Variants in SPRY3 observed in about 807,000 individuals in gnomAD.
SPRY3 encodes the protein protein sprouty homolog 3.
Under a neutral mutation model 20.2 loss-of-function variants are expected in SPRY3, and 15 were observed. The ratio of observed to expected loss-of-function variants is 0.74; its 90% CI spans 0.50 to 1.14. The LOEUF is 1.14. Ranked by LOEUF, SPRY3 falls within the 50% of genes most tolerant of loss-of-function variation. The pLI, the probability that SPRY3 is intolerant of heterozygous loss-of-function variation, is 0.00. For missense variants in SPRY3, 364 were observed against 363.9 expected, an observed-to-expected ratio of 1.00 and a Z score of 0.00; for synonymous variants, 143 against 136.5, an observed-to-expected ratio of 1.05 and a Z score of -0.33.
chrX:155,725,677 A>AT lies in SPRY3; in HGVS notation c.-281-42279dup, dbSNP rs2091092398. On this transcript the variant is annotated intron_variant, in intron 2 of 3. Coordinates refer to ENST00000675360, the Ensembl canonical transcript of SPRY3. ...GATGGGTGGTGATATCCCCTTTATC[A>AT]TTTTTTATTGCATCTATTTGATTCT... 2.6e-5 allele frequency among the ~76,000 whole-genome samples: 4 copies of AT among 152,150 alleles called. No homozygotes were observed. In the South Asian group the frequency reaches 8.3e-4, roughly 32 times the overall value.
rs780740285 is a variant in SPRY3, at chrX:155,717,316, T to C, written c.-281-50646T>C. 3.3e-5 allele frequency among the ~76,000 whole-genome samples: 5 copies of C among 152,140 alleles called. No homozygotes were observed. The East Asian group carries it at 7.8e-4, about 24-fold the overall frequency. On this transcript the variant is annotated intron_variant, in intron 2 of 3. Coordinates refer to ENST00000675360, the Ensembl canonical transcript of SPRY3. ...TATAAGAATATTCCCATTACATTTC[T>C]AGTTTACTTGCTACTCACCTCAACA...
At chrX:155,718,735 G>A (rs1169340954) in intron 2 of SPRY3, among the ~76,000 whole-genome samples, 2 of 152,070 alleles carry the variant, frequency 1.3e-5, no homozygotes, top group Non-Finnish European at 2.9e-5. Flanking sequence ...ACACTCTGAT[G>A]TATTAAATAT....
chrX:155,686,045 A>G (rs2068086791), intron 2 of SPRY3, among the ~76,000 whole-genome samples: 1 of 111,977 alleles, frequency 8.9e-6, no homozygotes, highest in South Asian at 3.8e-4. Flanking sequence ...AAGTGCTGGG[A>G]TTATAGGCGT....
intron 1 of SPRY3, among the ~76,000 whole-genome samples, chrX:155,635,166 T>C (rs2067919230): frequency 9.0e-6 from 1 of 110,860 alleles, no homozygotes; most frequent in Non-Finnish European, 1.9e-5. Flanking sequence ...GTTAGTTTGC[T>C]GAGAATGATG....
At chrX:155,774,674 C>G in exon 4 of SPRY3, 7 of 1,613,946 alleles carry the variant, frequency 4.3e-6, no homozygotes, top group Non-Finnish European at 5.9e-6. Flanking sequence ...CACACCAACA[C>G]TGTGTGCAGA....
intron 2 of SPRY3, among the ~76,000 whole-genome samples, chrX:155,668,616 A>T: frequency 9.0e-6 from 1 of 110,888 alleles, no homozygotes; most frequent in Non-Finnish European, 1.9e-5. Context: ...GGTAATTCTT[A>T]TATTACATTT....
chrX:155,713,363 T>C (rs2091000266), intron 2 of SPRY3, among the ~76,000 whole-genome samples: 1 of 152,124 alleles, frequency 6.6e-6, no homozygotes, highest in Admixed American at 6.6e-5. Flanking sequence ...CAGATTGAGG[T>C]ACTCCCTTTA....
chrX:155,663,165 A>G (rs1557353890), intron 2 of SPRY3, among the ~76,000 whole-genome samples: 1 of 112,216 alleles, frequency 8.9e-6, no homozygotes, highest in Non-Finnish European at 1.9e-5. Flanking sequence ...CATCCAACCA[A>G]GTTAAAAGAC....
At chrX:155,722,190 T>C (rs1327286733) in intron 2 of SPRY3, among the ~76,000 whole-genome samples, 1 of 152,148 alleles carries the variant, frequency 6.6e-6, no homozygotes, top group Non-Finnish European at 1.5e-5. Flanking sequence ...ACAAGTCTCA[T>C]GGTAACCTGA....
chrX:155,767,701 A>AG (rs1206694287), intron 2 of SPRY3: 1 of 103,772 alleles, frequency 9.6e-6, no homozygotes, highest in African/African-American at 4.1e-5. Context: ...GGAGGAGGAG[A>AG]AAGAAGAGGA....
chrX:155,616,129 T>TCTCTCTCTCTCTCTCTCTCTCTCTCTCC (rs1569562346), intron 1 of SPRY3, among the ~76,000 whole-genome samples: 2 of 29,884 alleles, frequency 6.7e-5, no homozygotes, highest in African/African-American at 1.5e-4. Context: ...TCTCTCTCTC[T>TCTCTCTCTCTCTCTCTCTCTCTCTCTCC]CCTCTCTCTC....
At chrX:155,719,842 G>T (rs1317644363) in intron 2 of SPRY3, among the ~76,000 whole-genome samples, 1 of 151,794 alleles carries the variant, frequency 6.6e-6, no homozygotes, top group Non-Finnish European at 1.5e-5. Context: ...GAAGGATTTG[G>T]CTTCAGGTGA....
chrX:155,730,255 A>T (rs2091124417), intron 2 of SPRY3, among the ~76,000 whole-genome samples: 1 of 152,172 alleles, frequency 6.6e-6, no homozygotes, highest in Non-Finnish European at 1.5e-5. Context: ...ACAGGCCAAC[A>T]TCCCTGATGA....
rs778806810 is a variant in SPRY3, at chrX:155,708,759, C to A, written c.-282+51734C>A. Among the ~76,000 whole-genome samples, 8 of 151,490 alleles carry A rather than the reference C, an allele frequency of 5.3e-5. No individual in the cohort carries two copies. The South Asian group carries it at 1.5e-3, about 28-fold the overall frequency. Reference sequence around the variant, plus strand: ...GTGTTACAAACAATCTAATTATACTCTTTTTAGTTATTTTAAAATGTACAA... The same window carrying A: ...GTGTTACAAACAATCTAATTATACTATTTTTAGTTATTTTAAAATGTACAA... On this transcript the variant is annotated intron_variant, in intron 2 of 3. Transcript: ENST00000675360.
chrX:155,622,915 G>C (rs1410182745), intron 1 of SPRY3, among the ~76,000 whole-genome samples: 2 of 111,983 alleles, frequency 1.8e-5, no homozygotes, highest in African/African-American at 6.5e-5. Flanking sequence ...CCATACATAT[G>C]ATATTGCATT....
intron 2 of SPRY3, among the ~76,000 whole-genome samples, chrX:155,762,272 G>A (rs1316661146): frequency 6.6e-6 from 1 of 152,058 alleles, no homozygotes; most frequent in African/African-American, 2.4e-5. Flanking sequence ...TACTTTGAAG[G>A]GGTCATATAT....
chrX:155,713,543 G>T (rs1420983547), intron 2 of SPRY3, among the ~76,000 whole-genome samples: 4 of 152,102 alleles, frequency 2.6e-5, no homozygotes, highest in Admixed American at 1.3e-4. Context: ...TTGCCTGTAA[G>T]GTTTCCACTG....
chrX:155,660,915 C>G (rs1281099746), intron 2 of SPRY3, among the ~76,000 whole-genome samples: 5 of 110,745 alleles, frequency 4.5e-5, no homozygotes, highest in Non-Finnish European at 9.5e-5. Context: ...CTGTAAATAT[C>G]TTACCAGTTA....
rs782355224 is a variant in SPRY3 at position 155,628,586 on chromosome X, G to A, written c.-441+15939G>A. On this transcript the variant is annotated intron_variant, in intron 1 of 3. Coordinates refer to ENST00000675360, the Ensembl canonical transcript of SPRY3. ...ATATGAAAAAAATCTCAACATCACT[G>A]ATCATTAGAGAAATGCAAATCAAAA... 2.5e-3 allele frequency among the ~76,000 whole-genome samples: 286 copies of A among 112,321 alleles called. 2 individuals carry two copies. The highest frequency in any genetic ancestry group is 0.022 in the Admixed American group (237 of 10,641).
Sources: allele counts gnomAD v4.1 joint callset (sites outside exome capture counted in the v4.1 genomes callset), GRCh38; gene constraint gnomAD v4.1.1; transcripts MANE v1.5; gene names NCBI Gene and HGNC (gene_info 2026-07-23, HGNC 2026-07-21).